Variants in VPS53 observed in about 807,000 individuals in gnomAD.
VPS53 encodes the protein VPS53 subunit of GARP complex, also known as vacuolar protein sorting-associated protein 53 homolog.
A neutral mutation model predicts 107.0 loss-of-function variants in VPS53; 70 were observed. That is an observed-to-expected ratio of 0.65 (90% CI 0.54 to 0.80). The LOEUF (loss-of-function observed/expected upper bound fraction) is 0.80. Ranked by LOEUF, VPS53 falls within the 30% of genes least tolerant of loss-of-function variation. The pLI is 0.00. For synonymous variants in VPS53, 409 were observed against 393.3 expected, an observed-to-expected ratio of 1.04 and a Z score of -0.47; for missense variants, 917 against 1,049.4, an observed-to-expected ratio of 0.87 and a Z score of 1.74.
chr17:550,738 G>T (rs183937743), intron 17 of VPS53, among the ~76,000 whole-genome samples: 268 of 152,078 alleles, frequency 1.8e-3, no homozygotes, highest in Non-Finnish European at 3.1e-3. Flanking sequence ...TGCACTTACG[G>T]AATTGACATT....
chr17:618,728 T>C (rs917799107), intron 11 of VPS53, among the ~76,000 whole-genome samples: 1 of 151,074 alleles, frequency 6.6e-6, no homozygotes, highest in Non-Finnish European at 1.5e-5. Flanking sequence ...CCTGGGTAGC[T>C]GGGACTACAG....
At chr17:705,072 C>G (rs1347867167) in intron 2 of VPS53, among the ~76,000 whole-genome samples, 4 of 152,250 alleles carry the variant, frequency 2.6e-5, no homozygotes, top group Admixed American at 6.5e-5. Context: ...CCAAAATATT[C>G]ACAATGATGG....
At chr17:529,761 G>A (rs2034089) in intron 19 of VPS53, among the ~76,000 whole-genome samples, 94,161 of 151,906 alleles carry the variant, frequency 0.62, 31,863 homozygotes, top group African/African-American at 0.88. Context: ...ATTTCATTTA[G>A]GCCTGGGAGC....
chr17:671,376 AAGAG>A (rs1371553553), intron 4 of VPS53, among the ~76,000 whole-genome samples: 3 of 144,970 alleles, frequency 2.1e-5, no homozygotes, highest in African/African-American at 5.0e-5. Context: ...AGAAAAGAGA[AAGAG>A]GGAGGGAGGG....
intron 12 of VPS53, among the ~76,000 whole-genome samples, chr17:595,043 G>A (rs1967888073): frequency 1.4e-5 from 1 of 73,660 alleles, no homozygotes; most frequent in Admixed American, 1.2e-4. Context: ...TGTCCCCCTG[G>A]AGGAAGCTGG....
At position 642,015 on chromosome 17, in the gene VPS53, G is replaced by A. The variant is rs184502283; in HGVS notation, c.609-10387C>T. On this transcript the variant is annotated intron_variant, in intron 7 of 21. Coordinates refer to ENST00000437048, the MANE Select transcript of VPS53 (RefSeq NM_001128159.3). ...AAGTGTTCTCAGCTTTTCGTAAGGGGGAGTCACAGACAGACAGCAAATTAT... is the reference window on the plus strand; with the variant it reads ...AAGTGTTCTCAGCTTTTCGTAAGGGAGAGTCACAGACAGACAGCAAATTAT... Among the ~76,000 whole-genome samples the A allele has an allele frequency of 2.4e-3, 366 of 152,248 alleles. 1 individual carries two copies. The highest frequency in any genetic ancestry group is 7.4e-3 in the African/African-American group (306 of 41,524).
intron 19 of VPS53, among the ~76,000 whole-genome samples, chr17:528,958 A>G (rs1291993433): frequency 1.3e-5 from 2 of 152,136 alleles, no homozygotes; most frequent in Non-Finnish European, 2.9e-5. Flanking sequence ...TGGTAACTCT[A>G]TGTAAATGCC....
At chr17:576,871 A>G (rs1914661827) in intron 13 of VPS53, among the ~76,000 whole-genome samples, 1 of 151,482 alleles carries the variant, frequency 6.6e-6, no homozygotes, top group Admixed American at 6.6e-5. Context: ...AACCTCCCTC[A>G]GAACCTAAAG....
intron 5 of VPS53, among the ~76,000 whole-genome samples, chr17:658,418 C>G (rs1215813979): frequency 7.1e-6 from 1 of 140,542 alleles, no homozygotes. Context: ...GTGAGAAACT[C>G]GGCCGTGAGT....
At chr17:676,934 A>C (rs1259150006) in intron 4 of VPS53, among the ~76,000 whole-genome samples, 2 of 152,046 alleles carry the variant, frequency 1.3e-5, no homozygotes, top group Admixed American at 1.3e-4. Flanking sequence ...CATGTTGTCT[A>C]TATTAATTAA....
At chr17:656,366 G>C (rs1333699691) in intron 5 of VPS53, among the ~76,000 whole-genome samples, 2 of 152,094 alleles carry the variant, frequency 1.3e-5, no homozygotes, top group African/African-American at 4.8e-5. Flanking sequence ...GTACTCAGAC[G>C]GTCTTTACTA....
chr17:534,411 G>T (rs1232540856), intron 18 of VPS53, among the ~76,000 whole-genome samples: 2 of 152,160 alleles, frequency 1.3e-5, no homozygotes, highest in African/African-American at 4.8e-5. Flanking sequence ...GTTTTGCAGG[G>T]GTGGGGTAGA....
chr17:628,143 T>G lies in VPS53; in HGVS notation c.776A>C (p.Lys259Thr), dbSNP rs1969796008. The change falls in exon 9 of 22, where the codon AAG becomes ACG. Residue 259 changes from lysine to threonine, a missense_variant. Lys to Thr is a moderately conservative substitution (Grantham distance 78). Coordinates refer to ENST00000437048, the MANE Select transcript of VPS53 (RefSeq NM_001128159.3). ...CTCTGACAGATGCTGTTTAATAAACTTTTTGATGATTTCCTGTTTGATCCT... is the reference window on the plus strand; with the variant it reads ...CTCTGACAGATGCTGTTTAATAAACGTTTTGATGATTTCCTGTTTGATCCT... ...DPRIKQEIIK[K>T]FIKQHLSEYL... 1 of 1,613,982 alleles carries G rather than the reference T, an allele frequency of 6.2e-7. No individual in the cohort carries two copies. The highest frequency in any genetic ancestry group is 8.5e-7 in the Non-Finnish European group (1 of 1,179,958).
chr17:590,559 C>A (rs1291120520), intron 12 of VPS53, among the ~76,000 whole-genome samples: 5 of 152,066 alleles, frequency 3.3e-5, no homozygotes. Flanking sequence ...CCCATCAATA[C>A]CTAATTTATT....
chr17:520,024 G>A lies in VPS53; in HGVS notation c.2224-94C>T, dbSNP rs887705629. 10 of 832,558 alleles carry A rather than the reference G, an allele frequency of 1.2e-5. No individual in the cohort carries two copies. The highest frequency in any genetic ancestry group is 8.5e-5 in the African/African-American group (5 of 58,546). 51.6% of individuals were successfully genotyped at this position (832,558 alleles called of 1,614,324 possible). On this transcript the variant is annotated intron_variant, in intron 20 of 21. Coordinates refer to ENST00000437048, the MANE Select transcript of VPS53 (RefSeq NM_001128159.3). The surrounding 1 kb of genome is among the most constrained non-coding windows in gnomAD (Gnocchi z 4.4). ...CCCTCAAGAAAACTCACTACCCACC[G>A]CAGGAGGAGACGGGAGCGGGCCCTT...
chr17:578,268 C>T (rs1348886979), intron 13 of VPS53, among the ~76,000 whole-genome samples: 2 of 151,608 alleles, frequency 1.3e-5, no homozygotes, highest in Admixed American at 6.6e-5. Flanking sequence ...GAATTTAATG[C>T]GTTCCCAGAG....
intron 10 of VPS53, among the ~76,000 whole-genome samples, chr17:624,640 C>T (rs1473294557): frequency 9.9e-5 from 15 of 152,150 alleles, no homozygotes; most frequent in Admixed American, 3.9e-4. Flanking sequence ...TGCCATTAGC[C>T]GAGACAACAA....
intron 6 of VPS53, among the ~76,000 whole-genome samples, chr17:653,953 T>G (rs1971069139): frequency 6.6e-6 from 1 of 152,178 alleles, no homozygotes; most frequent in Non-Finnish European, 1.5e-5. Flanking sequence ...ACCCACACTG[T>G]GGGAGGCCGA....
chr17:675,488 T>C (rs183319130), intron 4 of VPS53: 4 of 152,372 alleles, frequency 2.6e-5, no homozygotes, highest in South Asian at 4.1e-4. Flanking sequence ...TCAAACTTAC[T>C]TGGGGCCAGG....
Sources: allele counts gnomAD v4.1 joint callset (sites outside exome capture counted in the v4.1 genomes callset), GRCh38; gene constraint gnomAD v4.1.1; non-coding constraint Gnocchi (gnomAD v3.1); transcripts MANE v1.5; gene names NCBI Gene and HGNC (gene_info 2026-07-23, HGNC 2026-07-21).